Variants in ZFP1 observed in about 807,000 individuals in gnomAD.
ZFP1 encodes the protein zinc finger protein 1 homolog.
ZFP1 carries 32 observed loss-of-function variants against 38.5 expected under a neutral mutation model. The observed-to-expected ratio is 0.83, with a 90% CI of 0.63 to 1.12. The LOEUF is 1.12. Ranked by LOEUF, ZFP1 falls within the 50% of genes most tolerant of loss-of-function variation. ZFP1 has a pLI of 0.00. For missense variants in ZFP1, 616 were observed against 480.8 expected (o/e 1.28, Z -2.63); for synonymous variants, 245 against 168.8 (o/e 1.45, Z -3.50).
At chr16:75,132,172 G>C in the ZFP1 span, among the ~76,000 whole-genome samples, 3 of 152,254 alleles carry the variant, frequency 2.0e-5, no homozygotes, top group African/African-American at 4.8e-5. Flanking sequence ...GAGATCACTT[G>C]AGGTCAGAAG....
the ZFP1 span, among the ~76,000 whole-genome samples, chr16:75,140,803 C>CA: frequency 3.3e-5 from 5 of 152,092 alleles, no homozygotes; most frequent in African/African-American, 9.7e-5. Flanking sequence ...ACTAAAAATA[C>CA]AAAAAATTAG....
chr16:75,155,952 T>C (rs1402779574), intron 2 of ZFP1, among the ~76,000 whole-genome samples: 1 of 152,188 alleles, frequency 6.6e-6, no homozygotes, highest in Non-Finnish European at 1.5e-5. Context: ...CTTTCAGACA[T>C]GTGAGATCTA....
At chr16:75,163,337 C>T (rs933548815) in intron 2 of ZFP1, among the ~76,000 whole-genome samples, 1 of 151,968 alleles carries the variant, frequency 6.6e-6, no homozygotes, top group Non-Finnish European at 1.5e-5. Context: ...TACATTCTTG[C>T]TCTGTTGCCC....
Position 75,167,380 on chromosome 16 carries a change from G to A in ZFP1, c.142+484G>A, listed in dbSNP as rs150402949. 6.3e-4 allele frequency among the ~76,000 whole-genome samples: 93 copies of A among 147,456 alleles called. No homozygotes were observed. In the East Asian group the frequency reaches 0.013, roughly 21 times the overall value. The stretch of plus-strand genomic sequence containing the variant: ...CTCTGAAGCATACCTCCAAATATCC[G>A]TCTCTCCCTGCTTACCTTTTTTTTT... On this transcript the variant is annotated intron_variant, in intron 3 of 3. Coordinates refer to ENST00000570010, the MANE Select transcript of ZFP1 (RefSeq NM_153688.4).
At chr16:75,123,451 A>G in the ZFP1 span, among the ~76,000 whole-genome samples, 87,201 of 104,956 alleles carry the variant, frequency 0.83, 35,162 homozygotes, top group African/African-American at 0.88. Context: ...GTGTGTGTGT[A>G]TATGTATATA....
At position 75,170,427 on chromosome 16, in the gene ZFP1, C is replaced by T. The variant is rs12930876; in HGVS notation, c.*93C>T. On this transcript the variant is annotated 3_prime_UTR_variant, in exon 4 of 4. Coordinates refer to ENST00000570010, the MANE Select transcript of ZFP1 (RefSeq NM_153688.4). Reference sequence around the variant, plus strand: ...ACAGTATTGAGGGAACATGGGAATTCATACTGAGATGCAATCTCTCAACTC... The same window carrying T: ...ACAGTATTGAGGGAACATGGGAATTTATACTGAGATGCAATCTCTCAACTC... The T allele has an allele frequency of 0.27, 387,900 of 1,431,358 alleles. 56,584 individuals are homozygous for T. Among genetic ancestry groups the T allele is most frequent in the Non-Finnish European group, 0.3 (328,298 of 1,087,936 alleles). The allele number at this position is 1,431,358 out of a possible 1,614,324, so 88.7% of individuals were successfully genotyped here.
At chr16:75,126,879 T>C in the ZFP1 span, among the ~76,000 whole-genome samples, 1 of 152,230 alleles carries the variant, frequency 6.6e-6, no homozygotes, top group Admixed American at 6.5e-5. Flanking sequence ...ATGACATATT[T>C]GGCTTATTTG....
chr16:75,160,080 A>T (rs1597060161), intron 2 of ZFP1, among the ~76,000 whole-genome samples: 1 of 152,210 alleles, frequency 6.6e-6, no homozygotes, highest in East Asian at 1.9e-4. Flanking sequence ...CTTGCCCTCC[A>T]CCTACACATA....
the ZFP1 span, among the ~76,000 whole-genome samples, chr16:75,123,479 A>AGG: frequency 8.1e-6 from 1 of 124,074 alleles, no homozygotes; most frequent in Non-Finnish European, 1.6e-5. Context: ...ATATATATAT[A>AGG]TATATATATA....
chr16:75,125,537 T>A, the ZFP1 span, among the ~76,000 whole-genome samples: 1 of 152,092 alleles, frequency 6.6e-6, no homozygotes, highest in South Asian at 2.1e-4. Flanking sequence ...TTTGTCAGAC[T>A]GGTCTTGAAC....
intron 1 of ZFP1, among the ~76,000 whole-genome samples, chr16:75,149,893 C>T (rs1467518841): frequency 6.6e-6 from 1 of 152,054 alleles, no homozygotes; most frequent in Non-Finnish European, 1.5e-5. Flanking sequence ...CCTCTGCCTC[C>T]CGGGTTCAAG....
chr16:75,162,927 T>TC (rs1352300137), intron 2 of ZFP1, among the ~76,000 whole-genome samples: 2 of 151,986 alleles, frequency 1.3e-5, no homozygotes, highest in Non-Finnish European at 2.9e-5. Flanking sequence ...CTTTTTTTTT[T>TC]TGGAAACAGT....
chr16:75,123,455 GTA>G, the ZFP1 span, among the ~76,000 whole-genome samples: 639 of 87,012 alleles, frequency 7.3e-3, 3 homozygotes, highest in Non-Finnish European at 9.5e-3. Flanking sequence ...GTGTGTATAT[GTA>G]TATATATATA....
chr16:75,127,530 A>G, the ZFP1 span, among the ~76,000 whole-genome samples: 10 of 152,134 alleles, frequency 6.6e-5, no homozygotes, highest in Admixed American at 6.6e-4. Flanking sequence ...CATGTTGGCC[A>G]GGCTGGTCTT....
intron 3 of ZFP1, among the ~76,000 whole-genome samples, chr16:75,168,285 A>G (rs150724866): frequency 3.9e-5 from 6 of 152,328 alleles, no homozygotes; most frequent in African/African-American, 1.4e-4. Flanking sequence ...CCTTGCCAGT[A>G]TCTGTTGTTT....
At chr16:75,139,575 C>T in the ZFP1 span, among the ~76,000 whole-genome samples, 1,453 of 151,930 alleles carry the variant, frequency 9.6e-3, 23 homozygotes, top group African/African-American at 0.033. Flanking sequence ...ATGTGTGGTC[C>T]GAGCTACTCA....
chr16:75,170,286 G>C lies in ZFP1; in HGVS notation c.1176G>C (p.Lys392Asn), dbSNP rs748433549. 54 of 1,609,728 alleles carry C rather than the reference G, an allele frequency of 3.4e-5. No homozygotes were observed. The highest frequency in any genetic ancestry group is 3.9e-5 in the Non-Finnish European group (46 of 1,177,604). The change falls in exon 4 of 4, where the codon AAG becomes AAC. Residue 392 changes from lysine (K) to asparagine (N), a missense_variant. Transcript: ENST00000570010. The part of the protein sequence containing the change: ...CSECGKAFSR[K>N]SRLSVHQRVH... ...AATGTGGGAAGGCCTTTAGCAGGAAGTCCCGACTCAGTGTCCATCAGAGAG... is the reference window on the plus strand; with the variant it reads ...AATGTGGGAAGGCCTTTAGCAGGAACTCCCGACTCAGTGTCCATCAGAGAG...
rs2038372177 is a variant in ZFP1 at position 75,170,602 on chromosome 16, T to A, written c.*268T>A. The stretch of plus-strand genomic sequence containing the variant: ...GAGCTTTTTAAAATCTTGAATGAAT[T>A]GAGTATTCTAGACAGCAGCATAAGA... On this transcript the variant is annotated 3_prime_UTR_variant, in exon 4 of 4. Coordinates refer to ENST00000570010, the MANE Select transcript of ZFP1 (RefSeq NM_153688.4). 2.8e-6 allele frequency: 1 copy of A among 363,186 alleles called. No individual in the cohort carries two copies. The highest frequency in any genetic ancestry group is 4.8e-6 in the Non-Finnish European group (1 of 206,430). 22.5% of individuals were successfully genotyped at this position (363,186 alleles called of 1,614,324 possible). A position where few individuals can be genotyped will look rare whatever the true frequency, so the allele number is the denominator to read the frequency against.
the ZFP1 span, among the ~76,000 whole-genome samples, chr16:75,134,148 G>A: frequency 1.3e-5 from 2 of 152,306 alleles, no homozygotes; most frequent in African/African-American, 2.4e-5. Context: ...AAGATGATGA[G>A]AATATTCTGG....
Sources: gnomAD v4.1 joint callset for allele counts (sites outside exome capture counted in the v4.1 genomes callset) on GRCh38, gnomAD v4.1.1 for gene constraint, MANE v1.5 for transcripts, NCBI Gene and HGNC (gene_info 2026-07-23, HGNC 2026-07-21) for gene names.